PLEKHH2: variants seen among roughly 807,000 people sequenced by gnomAD.
PLEKHH2 encodes the protein pleckstrin homology, MyTH4 and FERM domain containing H2.
In PLEKHH2, 129 loss-of-function variants were observed where a neutral mutation model predicts 187.9. The ratio of observed to expected loss-of-function variants is 0.69; its 90% confidence interval spans 0.59 to 0.79. The LOEUF (loss-of-function observed/expected upper bound fraction) is 0.79, where lower values mean the gene tolerates loss of function less well. PLEKHH2 is among the 30% of genes least tolerant of loss of function. The probability of loss-of-function intolerance (pLI) is 0.00; values close to 1 mark genes in which losing one functional copy is unlikely to be tolerated. For missense variants in PLEKHH2, 2,076 were observed against 1,751.2 expected, an observed-to-expected ratio of 1.19 and a Z score of -3.31; for synonymous variants, 686 against 605.6, an observed-to-expected ratio of 1.13 and a Z score of -1.95.
At chr2:43,659,926 T>C (rs1226739793) in intron 2 of PLEKHH2, among the ~76,000 whole-genome samples, 1 of 152,214 alleles carries the variant, frequency 6.6e-6, no homozygotes, top group Non-Finnish European at 1.5e-5. Context: ...GTCACCCTTT[T>C]GGGTGTTTAG....
chr2:43,638,296 C>A, intron 1 of PLEKHH2, among the ~76,000 whole-genome samples: 1 of 152,106 alleles, frequency 6.6e-6, no homozygotes, highest in African/African-American at 2.4e-5. Context: ...CACTCACACA[C>A]ACGATTACCC....
At position 43,745,856 on chromosome 2, in the gene PLEKHH2, T is replaced by A. The variant is rs1368613569; in HGVS notation, c.3556-10T>A. 7.5e-6 allele frequency: 12 copies of A among 1,590,174 alleles called. No homozygotes were observed. Among genetic ancestry groups the A allele is most frequent in the Non-Finnish European group, 1.0e-5 (12 of 1,161,726 alleles). ...GTACTGTAAATCTCAGTTTTCCACTTCCTTTCTAGATTTGTGACATTATTT... is the reference window on the plus strand; with the variant it reads ...GTACTGTAAATCTCAGTTTTCCACTACCTTTCTAGATTTGTGACATTATTT... On this transcript the variant is annotated splice_polypyrimidine_tract_variant and intron_variant, in intron 23 of 29. Transcript: ENST00000282406.
chr2:43,709,170 G>T (rs866667911), intron 11 of PLEKHH2, among the ~76,000 whole-genome samples: 17 of 152,258 alleles, frequency 1.1e-4, no homozygotes, highest in Admixed American at 2.0e-4. Flanking sequence ...GCAAGTGAAA[G>T]AAATAGTTTG....
chr2:43,759,100 C>A, intron 27 of PLEKHH2, 71 bp downstream of exon 27: 3 of 1,489,218 alleles, frequency 2.0e-6, no homozygotes, highest in Non-Finnish European at 2.7e-6. Context: ...TTACCCCAGA[C>A]TTAGTATCCT....
At chr2:43,660,358 T>A (rs1383773400) in intron 2 of PLEKHH2, among the ~76,000 whole-genome samples, 1 of 152,120 alleles carries the variant, frequency 6.6e-6, no homozygotes. Context: ...TACAGGTGTT[T>A]GGATGTATAT....
At chr2:43,723,338 G>A (rs1670574336) in intron 16 of PLEKHH2, among the ~76,000 whole-genome samples, 1 of 152,014 alleles carries the variant, frequency 6.6e-6, no homozygotes, top group Non-Finnish European at 1.5e-5. Context: ...CATCACAGAG[G>A]AGCCTTCCTA....
At chr2:43,713,893 A>G (rs1368460917) in intron 15 of PLEKHH2, among the ~76,000 whole-genome samples, 2 of 152,194 alleles carry the variant, frequency 1.3e-5, no homozygotes, top group African/African-American at 2.4e-5. Context: ...TTATTCCATA[A>G]TATTTAAAAA....
chr2:43,697,304 G>A lies in PLEKHH2; in HGVS notation c.636G>A (p.Met212Ile), dbSNP rs1218383487. The A allele has an allele frequency of 6.2e-7, 1 of 1,613,710 alleles. No individual in the cohort carries two copies. The highest frequency in any genetic ancestry group is 1.3e-5 in the African/African-American group (1 of 74,914). ...CTCAAGTAGTAAAATCTGAGGAAAT[G>A]AGCAAGATATCATCGAAAGAACCTG... ...SPPQVVKSEE[M>I]SKISSKEPEF... The change falls in exon 7 of 30, where the codon ATG (methionine) becomes ATA (isoleucine). Residue 212 changes from methionine to isoleucine, a missense_variant. By Grantham distance (10) the Met-to-Ile change is conservative. Transcript: ENST00000282406.
chr2:43,726,502 C>A (rs780513669), intron 17 of PLEKHH2, 51 bp downstream of exon 17: 4 of 1,445,590 alleles, frequency 2.8e-6, no homozygotes, highest in Non-Finnish European at 9.6e-7. Flanking sequence ...TAATATTATT[C>A]AGATATTGGT....
chr2:43,735,810 A>G (rs1671264713), intron 19 of PLEKHH2, among the ~76,000 whole-genome samples: 1 of 152,202 alleles, frequency 6.6e-6, no homozygotes, highest in Non-Finnish European at 1.5e-5. Context: ...ATATCTATTA[A>G]TATTACTTAT....
intron 15 of PLEKHH2, among the ~76,000 whole-genome samples, chr2:43,716,293 T>A (rs763033632): frequency 6.5e-4 from 99 of 152,286 alleles, no homozygotes; most frequent in Middle Eastern, 3.4e-3. Flanking sequence ...CTGGAAGGGC[T>A]GAAACTGGAG....
chr2:43,745,024 T>C (rs1199790548), intron 23 of PLEKHH2, among the ~76,000 whole-genome samples: 2 of 151,034 alleles, frequency 1.3e-5, no homozygotes, highest in African/African-American at 2.4e-5. Context: ...ATAATATATA[T>C]AGAACTAGGC....
chr2:43,725,329 G>T (rs1175990778), intron 16 of PLEKHH2, among the ~76,000 whole-genome samples: 2 of 152,126 alleles, frequency 1.3e-5, no homozygotes, highest in African/African-American at 2.4e-5. Flanking sequence ...CTATCTTAGT[G>T]TGTCCAAAGG....
chr2:43,736,922 A>G (rs1671324561), intron 19 of PLEKHH2, among the ~76,000 whole-genome samples: 1 of 152,188 alleles, frequency 6.6e-6, no homozygotes, highest in South Asian at 2.1e-4. Flanking sequence ...GAGAACTGAT[A>G]AGCATGTGTG....
At chr2:43,756,142 G>T (rs1672201426) in intron 25 of PLEKHH2, among the ~76,000 whole-genome samples, 1 of 152,070 alleles carries the variant, frequency 6.6e-6, no homozygotes, top group Non-Finnish European at 1.5e-5. Flanking sequence ...ATCCTGGGAA[G>T]GACTCTATTC....
rs1164247958 is a variant in PLEKHH2, at chr2:43,767,761, A to G, written c.*2163A>G. 2.0e-5 allele frequency: 3 copies of G among 152,784 alleles called. No homozygotes were observed. Among genetic ancestry groups the G allele is most frequent in the East Asian group, 3.7e-4 (2 of 5,340 alleles). The allele number at this position is 152,784 out of a possible 1,614,324, so 9.5% of individuals were successfully genotyped here. On this transcript the variant is annotated 3_prime_UTR_variant, in exon 30 of 30. Coordinates refer to ENST00000282406, the MANE Select transcript of PLEKHH2 (RefSeq NM_172069.4). ...AACTGTGTAGTACCTTAGACTTGGC[A>G]TTTATTTTTGATAGAGCAGAGATAA... is the stretch of plus-strand genomic sequence containing the variant.
intron 8 of PLEKHH2, among the ~76,000 whole-genome samples, chr2:43,702,786 C>T (rs574394917): frequency 2.0e-5 from 3 of 151,942 alleles, no homozygotes; most frequent in Admixed American, 1.3e-4. Flanking sequence ...ACTGGAATAC[C>T]ATGCAAATTA....
rs569011845 is a variant in PLEKHH2, at chr2:43,691,713, A to G, written c.187-801A>G. On this transcript the variant is annotated intron_variant, in intron 3 of 29. Coordinates refer to ENST00000282406, the MANE Select transcript of PLEKHH2 (RefSeq NM_172069.4). ...AAAAAACATATTTATTATATTTGTG[A>G]TCTCTCTTACCCATTAGAATTAATT... 6.0e-4 allele frequency among the ~76,000 whole-genome samples: 91 copies of G among 152,204 alleles called. 1 individual carries two copies. Among genetic ancestry groups the G allele is most frequent in the African/African-American group, 2.1e-3 (88 of 41,532 alleles).
intron 3 of PLEKHH2, among the ~76,000 whole-genome samples, chr2:43,690,654 C>A (rs534072503): frequency 6.6e-6 from 1 of 152,146 alleles, no homozygotes; most frequent in South Asian, 2.1e-4. Flanking sequence ...ATTATTTTTT[C>A]TCTTTGCCTC....
Sources: gnomAD v4.1 joint callset for allele counts (sites outside exome capture counted in the v4.1 genomes callset) on GRCh38, gnomAD v4.1.1 for gene constraint, MANE v1.5 for transcripts, NCBI Gene and HGNC (gene_info 2026-07-23, HGNC 2026-07-21) for gene names.